The following RAD54L2 variants were observed in gnomAD, a reference collection of about 807,000 sequenced individuals.
RAD54L2 encodes RAD54 like 2, also known as helicase ARIP4.
Under a neutral mutation model 138.4 loss-of-function variants are expected in RAD54L2, and 27 were observed. That is an observed-to-expected ratio of 0.20 (90% CI 0.14 to 0.27). The LOEUF (loss-of-function observed/expected upper bound fraction) is 0.27, where lower values mean the gene tolerates loss of function less well. RAD54L2 is among the 10% of genes least tolerant of loss of function. RAD54L2 has a pLI of 1.00. For missense variants in RAD54L2, 1,396 were observed against 1,890.2 expected (o/e 0.74, Z 4.85); for synonymous variants, 644 against 723.2 (o/e 0.89, Z 1.76).
rs578152555 is a variant in RAD54L2 at position 51,590,447 on chromosome 3, C to T, written c.27C>T (p.Ser9=). The T allele has an allele frequency of 1.4e-5, 22 of 1,547,200 alleles. No homozygotes were observed. The highest frequency in any genetic ancestry group is 1.1e-4 in the South Asian group (9 of 83,360). MSDESASG[S]DPDLDPDVEL... ...TGTCAGACGAATCTGCCTCAGGGAGCGATCCAGACCTGGACCCGGACGTGG... is the reference window on the plus strand; with the variant it reads ...TGTCAGACGAATCTGCCTCAGGGAGTGATCCAGACCTGGACCCGGACGTGG... The change falls in exon 3 of 23, where the codon AGC becomes AGT. Residue 9 remains serine (S), a synonymous_variant. Coordinates refer to ENST00000684192, the MANE Select transcript of RAD54L2 (RefSeq NM_015106.4).
intron 15 of RAD54L2, 149 bp from the exon 16 acceptor site, chr3:51,643,726 A>G: frequency 1.5e-6 from 1 of 658,094 alleles, no homozygotes; most frequent in Non-Finnish European, 2.7e-6. Flanking sequence ...GGCCTTACTT[A>G]CTGTAGACCC....
At chr3:51,642,711 GC>G (rs1701171502) in intron 15 of RAD54L2, among the ~76,000 whole-genome samples, 1 of 152,102 alleles carries the variant, frequency 6.6e-6, no homozygotes, top group Admixed American at 6.6e-5. Flanking sequence ...TGGAGAAATT[GC>G]CCTCATTGAG....
intron 14 of RAD54L2, among the ~76,000 whole-genome samples, chr3:51,640,591 G>T (rs2106816631): frequency 6.6e-6 from 1 of 152,322 alleles, no homozygotes; most frequent in Admixed American, 6.5e-5. Context: ...GAGCCAAGTG[G>T]CAGGAGCCTG....
chr3:51,545,470 G>A (rs1055466505), intron 2 of RAD54L2, among the ~76,000 whole-genome samples: 4 of 151,278 alleles, frequency 2.6e-5, no homozygotes, highest in East Asian at 3.9e-4. Context: ...GATTACAGGC[G>A]TGAGCCATGA....
In RAD54L2 at chr3:51,619,999, CAG is replaced by C. The variant is rs142032190; in HGVS notation, c.140-7551_140-7550del. Among the ~76,000 whole-genome samples the C allele has an allele frequency of 2.4e-4, 36 of 152,216 alleles. No individual in the cohort carries two copies. In the East Asian group the frequency reaches 6.7e-3, roughly 29 times the overall value. On this transcript the variant is annotated intron_variant, in intron 3 of 22. Transcript: ENST00000684192. ...CTTAAGGTGTGTTCAGGCTCCGGTG[CAG>C]AGTTTTTGGCACACAGACATCGTAG...
chr3:51,639,743 G>GGGGTAGGGATGCAT, intron 13 of RAD54L2, 73 bp downstream of exon 13: 2 of 1,578,148 alleles, frequency 1.3e-6, no homozygotes, highest in Non-Finnish European at 8.6e-7. Context: ...GCCTGGGGAA[G>GGGGTAGGGATGCAT]GGGTAGGGAT....
intron 22 of RAD54L2, among the ~76,000 whole-genome samples, chr3:51,660,653 G>A (rs1430713309): frequency 2.0e-5 from 3 of 146,818 alleles, no homozygotes; most frequent in Admixed American, 1.4e-4. Flanking sequence ...ACAGAGTCTC[G>A]CTCTGTTGCC....
intron 19 of RAD54L2, among the ~76,000 whole-genome samples, chr3:51,651,941 A>G (rs1043906194): frequency 3.9e-5 from 6 of 152,214 alleles, no homozygotes; most frequent in Admixed American, 6.5e-5. Context: ...GGCCAGGGCA[A>G]TCAGGCCAGA....
At chr3:51,589,275 C>A (rs538094080) in intron 2 of RAD54L2, among the ~76,000 whole-genome samples, 1 of 152,110 alleles carries the variant, frequency 6.6e-6, no homozygotes, top group Non-Finnish European at 1.5e-5. Context: ...ATGTGCCTGT[C>A]GTCCTAGCTA....
chr3:51,625,751 A>G (rs1171227552), intron 3 of RAD54L2, among the ~76,000 whole-genome samples: 1 of 152,104 alleles, frequency 6.6e-6, no homozygotes, highest in Non-Finnish European at 1.5e-5. Flanking sequence ...AGTCCCAGCT[A>G]CCTGAGAGGC....
At chr3:51,597,075 G>T (rs1320478844) in intron 3 of RAD54L2, among the ~76,000 whole-genome samples, 2 of 149,038 alleles carry the variant, frequency 1.3e-5, no homozygotes, top group Non-Finnish European at 3.0e-5. Flanking sequence ...TGAGACAGGA[G>T]AGTTGCTTGA....
At chr3:51,561,739 T>C (rs1699104167) in intron 2 of RAD54L2, among the ~76,000 whole-genome samples, 1 of 151,560 alleles carries the variant, frequency 6.6e-6, no homozygotes. Context: ...TTATTTTATT[T>C]TATTTTTTGT....
rs143819415 is a variant in RAD54L2 at position 51,646,462 on chromosome 3, G to A, written c.3007G>A (p.Ala1003Thr). The change falls in exon 19 of 23, where the codon GCC (alanine) becomes ACC (threonine). Residue 1003 changes from alanine (A) to threonine (T), a missense_variant. Transcript: ENST00000684192. ...CGATCAGAGCCTGACCAGCATCCCC[G>A]CCTTCAGCCAGAGAAACTGGTGAGT... ...ASDQSLTSIP[A>T]FSQRNWQPTL... The A allele has an allele frequency of 2.2e-4, 347 of 1,608,406 alleles. No individual in the cohort carries two copies. Among genetic ancestry groups the A allele is most frequent in the South Asian group, 3.2e-4 (29 of 90,566 alleles).
At chr3:51,550,614 C>T (rs1410710843) in intron 2 of RAD54L2, among the ~76,000 whole-genome samples, 2 of 151,916 alleles carry the variant, frequency 1.3e-5, no homozygotes, top group Non-Finnish European at 2.9e-5. Context: ...GGTGGTGCGC[C>T]CCTGTTTTCC....
intron 3 of RAD54L2, among the ~76,000 whole-genome samples, chr3:51,598,177 G>A (rs6807537): frequency 0.033 from 4,425 of 135,074 alleles, 160 homozygotes; most frequent in East Asian, 0.19. Flanking sequence ...GTGTGTGTGT[G>A]TATATATATA....
intron 3 of RAD54L2, among the ~76,000 whole-genome samples, chr3:51,591,628 C>G (rs1442973739): frequency 6.6e-6 from 1 of 152,176 alleles, no homozygotes; most frequent in African/African-American, 2.4e-5. Context: ...GTAGCATTTG[C>G]TGTCTGTTGC....
chr3:51,612,817 T>C (rs916597118), intron 3 of RAD54L2, among the ~76,000 whole-genome samples: 1 of 152,232 alleles, frequency 6.6e-6, no homozygotes, highest in Admixed American at 6.5e-5. Flanking sequence ...ACTTTAAAGA[T>C]TGGAATATGA....
At chr3:51,621,630 C>T (rs751898034) in intron 3 of RAD54L2, among the ~76,000 whole-genome samples, 10 of 152,220 alleles carry the variant, frequency 6.6e-5, no homozygotes, top group Non-Finnish European at 1.2e-4. Flanking sequence ...ACCCTCTGGA[C>T]TTGCCCTCTG....
chr3:51,568,791 C>G (rs1472928845), intron 2 of RAD54L2, among the ~76,000 whole-genome samples: 4 of 152,090 alleles, frequency 2.6e-5, no homozygotes, highest in African/African-American at 9.7e-5. Flanking sequence ...TTGTAAATTT[C>G]CTGGTGGGGA....
Sources: gnomAD v4.1 joint callset for allele counts (sites outside exome capture counted in the v4.1 genomes callset) on GRCh38, gnomAD v4.1.1 for gene constraint, MANE v1.5 for transcripts, NCBI Gene and HGNC (gene_info 2026-07-23, HGNC 2026-07-21) for gene names.